The following DRC5 variants were observed in gnomAD, a reference collection of about 807,000 sequenced individuals.
DRC5 encodes the protein T-complex-associated testis-expressed protein 1.
chr6:44,286,623 G>A, the DRC5 span: 1 of 1,191,854 alleles, frequency 8.4e-7, no homozygotes, highest in South Asian at 1.4e-5. Context: ...GGGAGCACCA[G>A]GCAAAGGAGA....
chr6:44,294,571 C>T, the DRC5 span, among the ~76,000 whole-genome samples: 8 of 151,032 alleles, frequency 5.3e-5, no homozygotes, highest in Admixed American at 4.6e-4. Flanking sequence ...ATGGTGAAAC[C>T]CCGTCTCTAC....
chr6:44,281,334 G>A, the DRC5 span, among the ~76,000 whole-genome samples: 2 of 152,184 alleles, frequency 1.3e-5, 1 homozygote, highest in South Asian at 4.1e-4. Flanking sequence ...GAAAATATCA[G>A]CATATATCAC....
chr6:44,280,358 T>C, the DRC5 span: 1 of 1,613,918 alleles, frequency 6.2e-7, no homozygotes, highest in East Asian at 2.2e-5. Flanking sequence ...TCTTGTTGTC[T>C]GACATGCCTT....
the DRC5 span, among the ~76,000 whole-genome samples, chr6:44,293,779 G>A: frequency 1.3e-5 from 2 of 152,186 alleles, no homozygotes; most frequent in South Asian, 2.1e-4. Flanking sequence ...ACTCCACTAG[G>A]GGAATTTCAC....
At chr6:44,286,371 G>A in the DRC5 span, 1 of 1,614,094 alleles carries the variant, frequency 6.2e-7, no homozygotes, top group Admixed American at 1.7e-5. Flanking sequence ...CTGCCGCCAT[G>A]GTGGGCCACG....
the DRC5 span, chr6:44,287,145 C>T: frequency 1.0e-6 from 1 of 968,292 alleles, no homozygotes; most frequent in South Asian, 4.8e-5. Flanking sequence ...TGGAAAGGAT[C>T]AATATTACAG....
chr6:44,287,741 G>A, the DRC5 span: 2 of 1,614,178 alleles, frequency 1.2e-6, no homozygotes, highest in Non-Finnish European at 1.7e-6. Context: ...CTTGAAGTGT[G>A]TCCTCCAGTG....
chr6:44,280,311 G>A, the DRC5 span: 2 of 1,614,224 alleles, frequency 1.2e-6, no homozygotes. Context: ...GCTTTCCTGG[G>A]CCACATCTGA....
chr6:44,285,752 A>G, the DRC5 span, among the ~76,000 whole-genome samples: 4 of 152,160 alleles, frequency 2.6e-5, no homozygotes, highest in Non-Finnish European at 5.9e-5. Context: ...CTGTTTGTTC[A>G]ATGAAACCAA....
chr6:44,293,257 CACTTA>C, the DRC5 span, among the ~76,000 whole-genome samples: 6 of 145,518 alleles, frequency 4.1e-5, no homozygotes, highest in East Asian at 1.2e-3. Context: ...AACTGTCCAG[CACTTA>C]ACAGTTACAA....
At chr6:44,281,392 A>AT in the DRC5 span, among the ~76,000 whole-genome samples, 55 of 150,556 alleles carry the variant, frequency 3.7e-4, no homozygotes, top group Non-Finnish European at 6.4e-4. Context: ...TGTAAATTGC[A>AT]TTTTTTTTTT....
chr6:44,290,388 A>G, the DRC5 span, among the ~76,000 whole-genome samples: 8 of 152,180 alleles, frequency 5.3e-5, no homozygotes, highest in African/African-American at 1.9e-4. Context: ...TAAAGCATAC[A>G]GGGTGTGTGG....
the DRC5 span, chr6:44,287,851 C>T: frequency 7.4e-5 from 118 of 1,604,792 alleles, no homozygotes; most frequent in Non-Finnish European, 9.1e-5. Context: ...GGTAGGGGTG[C>T]GTGGCCCCTG....
At chr6:44,281,681 G>A in the DRC5 span, among the ~76,000 whole-genome samples, 1 of 152,198 alleles carries the variant, frequency 6.6e-6, no homozygotes, top group Admixed American at 6.5e-5. Flanking sequence ...CACTGTGCCT[G>A]GTCGTAAATT....
chr6:44,294,187 G>A, the DRC5 span, among the ~76,000 whole-genome samples: 1 of 151,944 alleles, frequency 6.6e-6, no homozygotes, highest in African/African-American at 2.4e-5. Flanking sequence ...TCTCCATATT[G>A]GTCAGGCTGG....
At chr6:44,289,892 G>A in the DRC5 span, among the ~76,000 whole-genome samples, 1 of 152,178 alleles carries the variant, frequency 6.6e-6, no homozygotes, top group African/African-American at 2.4e-5. Context: ...GCACCCTCAC[G>A]ACTCAGTGCA....
chr6:44,280,237 G>C, the DRC5 span: 2 of 1,614,212 alleles, frequency 1.2e-6, no homozygotes, highest in South Asian at 2.2e-5. Flanking sequence ...AAGTGGCTGG[G>C]ATTCAGGGCC....
chr6:44,296,865 T>G, the DRC5 span, among the ~76,000 whole-genome samples: 2 of 152,220 alleles, frequency 1.3e-5, no homozygotes, highest in Non-Finnish European at 2.9e-5. Context: ...ATGTCTTACT[T>G]TGGGGTAAGT....
the DRC5 span, among the ~76,000 whole-genome samples, chr6:44,293,476 C>T: frequency 6.6e-6 from 1 of 152,106 alleles, no homozygotes; most frequent in Non-Finnish European, 1.5e-5. Context: ...TCTCATGTGA[C>T]TCTTCAACCA....
Sources: gnomAD v4.1 joint callset for allele counts (sites outside exome capture counted in the v4.1 genomes callset) on GRCh38, gnomAD v4.1.1 for gene constraint, MANE v1.5 for transcripts, NCBI Gene and HGNC (gene_info 2026-07-23, HGNC 2026-07-21) for gene names.